Variants in PYY observed in about 807,000 individuals in gnomAD.
PYY encodes the protein peptide tyrosine tyrosine.
PYY carries 12 observed loss-of-function variants against 10.3 expected under a neutral mutation model. The ratio of observed to expected loss-of-function variants is 1.17; its 90% CI spans 0.75 to 1.89. The LOEUF (loss-of-function observed/expected upper bound fraction) is 1.89, where lower values mean the gene tolerates loss of function less well. PYY is among the 40% of genes most tolerant of loss of function. PYY has a pLI of 0.00. For synonymous variants in PYY, 66 were observed against 62.0 expected, an observed-to-expected ratio of 1.06 and a Z score of -0.30; for missense variants, 141 against 134.0, an observed-to-expected ratio of 1.05 and a Z score of -0.26.
chr17:43,957,770 G>T (rs2048683914), upstream of PYY, among the ~76,000 whole-genome samples: 1 of 152,164 alleles, frequency 6.6e-6, no homozygotes, highest in African/African-American at 2.4e-5. Context: ...AGTGCGCTGG[G>T]AGACCACGTT....
At chr17:43,961,713 G>C (rs1443442109) in intron 2 of PYY, among the ~76,000 whole-genome samples, 1 of 152,034 alleles carries the variant, frequency 6.6e-6, no homozygotes, top group African/African-American at 2.4e-5. Flanking sequence ...GCTAAGTTTT[G>C]TATTTTTAGT....
chr17:43,998,795 G>A (rs1377094715), intron 1 of PYY, among the ~76,000 whole-genome samples: 3 of 152,136 alleles, frequency 2.0e-5, no homozygotes, highest in Non-Finnish European at 2.9e-5. Context: ...GAGATGGGAA[G>A]ATGTGAGTAA....
At chr17:43,967,994 G>A (rs897525220) in intron 1 of PYY, among the ~76,000 whole-genome samples, 7 of 152,048 alleles carry the variant, frequency 4.6e-5, no homozygotes, top group East Asian at 1.9e-4. Context: ...TCATTCTCCC[G>A]TGCCCCAGCC....
At chr17:43,984,758 A>G (rs986441917) in intron 1 of PYY, among the ~76,000 whole-genome samples, 1 of 152,202 alleles carries the variant, frequency 6.6e-6, no homozygotes, top group Non-Finnish European at 1.5e-5. Context: ...GCCCTGCCCA[A>G]TGCATCTGGG....
intron 1 of PYY, among the ~76,000 whole-genome samples, chr17:43,984,180 G>A (rs2048901339): frequency 6.6e-6 from 1 of 152,238 alleles, no homozygotes; most frequent in Admixed American, 6.5e-5. Context: ...CCCCGGGGAT[G>A]CGGGGAGCCT....
At chr17:43,953,565 G>A in intron 1 of PYY, 82 bp from the exon 2 acceptor site, 1 of 1,295,332 alleles carries the variant, frequency 7.7e-7, no homozygotes. Flanking sequence ...TCGGGGCCGC[G>A]CTCCGACGCT....
At chr17:43,964,221 A>G (rs1330080409) in intron 2 of PYY, among the ~76,000 whole-genome samples, 2 of 152,132 alleles carry the variant, frequency 1.3e-5, no homozygotes, top group Non-Finnish European at 1.5e-5. Context: ...GAGTCTCAAT[A>G]TGTTGCCCAG....
At chr17:43,988,909 T>G (rs965774900) in intron 1 of PYY, among the ~76,000 whole-genome samples, 21 of 151,834 alleles carry the variant, frequency 1.4e-4, no homozygotes, top group Non-Finnish European at 2.2e-4. Context: ...ATTACAGGCA[T>G]GCACCAACAC....
upstream of PYY, among the ~76,000 whole-genome samples, chr17:43,955,744 C>G (rs1247586590): frequency 1.3e-5 from 2 of 152,140 alleles, no homozygotes; most frequent in African/African-American, 2.4e-5. Flanking sequence ...GAGACAGAGA[C>G]AGCCTTTGTC....
intron 1 of PYY, among the ~76,000 whole-genome samples, chr17:44,001,347 C>T (rs1157572744): frequency 6.6e-6 from 1 of 152,146 alleles, no homozygotes; most frequent in Non-Finnish European, 1.5e-5. Flanking sequence ...GGCCCCTGAA[C>T]CTGGGCACAA....
intron 1 of PYY, among the ~76,000 whole-genome samples, chr17:43,988,963 T>C (rs1482575765): frequency 6.6e-6 from 1 of 152,032 alleles, no homozygotes; most frequent in African/African-American, 2.4e-5. Context: ...GGTTTCGCCA[T>C]GTTGGCCAGG....
intron 1 of PYY, among the ~76,000 whole-genome samples, chr17:43,990,438 CAAAAA>C (rs59522069): frequency 3.2e-5 from 3 of 92,810 alleles, no homozygotes; most frequent in Non-Finnish European, 4.5e-5. Context: ...GACTCCATCT[CAAAAA>C]AAAAAAAAAA....
chr17:43,976,283 G>GTATATGCACA (rs1456094848), intron 1 of PYY, among the ~76,000 whole-genome samples: 1 of 87,198 alleles, frequency 1.1e-5, no homozygotes, highest in Non-Finnish European at 2.1e-5. Flanking sequence ...GTATATATAC[G>GTATATGCACA]CATATGTATA....
intron 1 of PYY, among the ~76,000 whole-genome samples, chr17:43,977,517 G>A (rs558255656): frequency 2.0e-5 from 3 of 152,146 alleles, no homozygotes; most frequent in South Asian, 4.2e-4. Context: ...GCACCTGCCC[G>A]CCCAACACTG....
intron 1 of PYY, among the ~76,000 whole-genome samples, chr17:43,984,319 C>T (rs2048902416): frequency 6.6e-6 from 1 of 152,198 alleles, no homozygotes; most frequent in Admixed American, 6.5e-5. Context: ...CAGCCAGGGC[C>T]CCACCTCTTG....
chr17:43,984,010 G>A (rs2048899774), intron 1 of PYY, among the ~76,000 whole-genome samples: 1 of 152,236 alleles, frequency 6.6e-6, no homozygotes, highest in Non-Finnish European at 1.5e-5. Context: ...GGATCCGCCG[G>A]AACCACGGCC....
chr17:43,983,755 C>T (rs371834078), intron 1 of PYY, among the ~76,000 whole-genome samples: 9 of 152,232 alleles, frequency 5.9e-5, no homozygotes, highest in African/African-American at 2.2e-4. Flanking sequence ...GTGCCCTTGA[C>T]ATATCCGGGG....
intron 1 of PYY, among the ~76,000 whole-genome samples, chr17:43,970,566 G>C (rs2048785494): frequency 6.6e-6 from 1 of 151,962 alleles, no homozygotes; most frequent in Non-Finnish European, 1.5e-5. Context: ...TAGGTCAATG[G>C]AACAGAATAG....
intron 1 of PYY, among the ~76,000 whole-genome samples, chr17:43,986,200 A>G (rs1163273503): frequency 1.3e-5 from 2 of 152,180 alleles, no homozygotes; most frequent in East Asian, 1.9e-4. Context: ...CGGGGGTTGC[A>G]GTGAGCCGAG....
Sources: allele counts gnomAD v4.1 joint callset (sites outside exome capture counted in the v4.1 genomes callset), GRCh38; gene constraint gnomAD v4.1.1; transcripts MANE v1.5; gene names NCBI Gene and HGNC (gene_info 2026-07-23, HGNC 2026-07-21).